The following ARHGAP23 variants were observed in gnomAD, a reference collection of about 807,000 sequenced individuals.
The protein encoded by ARHGAP23 is rho GTPase-activating protein 23.
In ARHGAP23, 34 loss-of-function variants were observed where a neutral mutation model predicts 136.3. That is an observed-to-expected ratio of 0.25 (90% confidence interval 0.19 to 0.33). The LOEUF is 0.33. Among genes scored for constraint, ARHGAP23 ranks in the 10% least tolerant of loss-of-function variants. ARHGAP23 has a pLI of 1.00. For synonymous variants in ARHGAP23, 832 were observed against 920.5 expected, an observed-to-expected ratio of 0.90 and a Z score of 1.74; for missense variants, 1,808 against 2,139.0, an observed-to-expected ratio of 0.85 and a Z score of 3.05.
chr17:38,486,470 A>G (rs569201670), intron 17 of ARHGAP23, among the ~76,000 whole-genome samples: 5 of 151,050 alleles, frequency 3.3e-5, no homozygotes, highest in Admixed American at 6.6e-5. Flanking sequence ...CCTGGGCTCA[A>G]TCAATCCTCC....
chr17:38,458,664 G>A (rs922841254), intron 2 of ARHGAP23, among the ~76,000 whole-genome samples: 1 of 152,188 alleles, frequency 6.6e-6, no homozygotes, highest in Admixed American at 6.5e-5. Flanking sequence ...TCTGAGCTGG[G>A]GTTGCTCCTC....
In ARHGAP23 at chr17:38,469,327, A is replaced by C. The variant is rs569144148; in HGVS notation, c.1804+28A>C. On this transcript the variant is annotated intron_variant, in intron 8 of 23. Transcript: ENST00000622683. Reference sequence around the variant, plus strand: ...GAGCACTCCCCACACCCCCAGCCCCACCCTCTCCCTCGCTGCCCAGTCCCA... The same window carrying C: ...GAGCACTCCCCACACCCCCAGCCCCCCCCTCTCCCTCGCTGCCCAGTCCCA... The C allele has an allele frequency of 1.4e-5, 22 of 1,533,952 alleles. No homozygotes were observed. In the South Asian group the frequency reaches 2.3e-4, roughly 16 times the overall value.
chr17:38,444,876 G>A (rs2038997521), intron 1 of ARHGAP23, among the ~76,000 whole-genome samples: 1 of 151,448 alleles, frequency 6.6e-6, no homozygotes, highest in African/African-American at 2.4e-5. Flanking sequence ...GGAGTGCAAT[G>A]GCGTGATCTC....
chr17:38,434,931 G>T (rs2038762169), intron 1 of ARHGAP23, among the ~76,000 whole-genome samples: 1 of 152,206 alleles, frequency 6.6e-6, no homozygotes, highest in Non-Finnish European at 1.5e-5. Context: ...GGCTGGAGGG[G>T]ACACCCCCAC....
chr17:38,488,473 C>T (rs1395897008), intron 17 of ARHGAP23, among the ~76,000 whole-genome samples: 1 of 152,172 alleles, frequency 6.6e-6, no homozygotes, highest in African/African-American at 2.4e-5. Flanking sequence ...TTAGTTTTTG[C>T]AAATATTTGC....
Position 38,479,784 on chromosome 17 carries a change from C to T in ARHGAP23, c.2530C>T (p.Pro844Ser). ...HSSGPKADSS[P>S]KGSRGLGGLK... ...CTCTGGGCCCAAAGCTGATTCCTCC[C>T]CCAAAGGCTCTCGCGGCCTGGGGGG... The change falls in exon 14 of 24, where the codon CCC becomes TCC. Residue 844 changes from proline (P) to serine (S), a missense_variant. Physicochemically the swap from Pro to Ser is moderately conservative, Grantham distance 74 (BLOSUM62 -1). This residue lies in a region of ARHGAP23 where 73 missense variants were observed against 82.5 expected (regional missense o/e 0.88). Coordinates refer to ENST00000622683, the MANE Select transcript of ARHGAP23 (RefSeq NM_001199417.2). 1 of 1,506,484 alleles carries T rather than the reference C, an allele frequency of 6.6e-7. No individual in the cohort carries two copies. Among genetic ancestry groups the T allele is most frequent in the South Asian group, 1.3e-5 (1 of 76,690 alleles). The allele number at this position is 1,506,484 out of a possible 1,614,324, so 93.3% of individuals were successfully genotyped here. A position where few individuals can be genotyped will look rare whatever the true frequency, so the allele number is the denominator to read the frequency against.
intron 1 of ARHGAP23, chr17:38,419,535 G>C (rs1392358177): frequency 1.3e-5 from 2 of 152,178 alleles, no homozygotes; most frequent in Non-Finnish European, 2.9e-5. Flanking sequence ...GCTCCGGGCG[G>C]AGCGGGGGCT....
Position 38,463,248 on chromosome 17 carries a change from G to T in ARHGAP23, c.428+52G>T, listed in dbSNP as rs575943556. The T allele has an allele frequency of 1.5e-4, 236 of 1,550,828 alleles. No homozygotes were observed. The South Asian group carries it at 2.7e-3, about 18-fold the overall frequency. On this transcript the variant is annotated intron_variant, in intron 5 of 23. Transcript: ENST00000622683. The stretch of plus-strand genomic sequence containing the variant: ...TATTATCTCCCCTCCCCTTTGCCCT[G>T]GGGATGCCCTGGAGACCAGGATCCC...
intron 22 of ARHGAP23, among the ~76,000 whole-genome samples, chr17:38,499,517 T>C (rs2040473426): frequency 6.6e-6 from 1 of 152,152 alleles, no homozygotes; most frequent in African/African-American, 2.4e-5. Context: ...CCCGCCATGG[T>C]TGTCCCTCCC....
At position 38,466,996 on chromosome 17, in the gene ARHGAP23, T is replaced by C. The variant is rs2039620978; in HGVS notation, c.1313T>C (p.Phe438Ser). The change falls in exon 7 of 24, where the codon TTC becomes TCC. Residue 438 changes from phenylalanine to serine, a missense_variant. Physicochemically the swap from Phe to Ser is radical, Grantham distance 155. This residue lies in a region of ARHGAP23 where 859 missense variants were observed against 936.4 expected (regional missense o/e 0.92). Transcript: ENST00000622683. ...ACCGGCCTCCTCCATGCGCTCTCCT[T>C]CCGGGACTCACCCTTTGGGGGGCTG... ...RRTGLLHALS[F>S]RDSPFGGLPT... The C allele has an allele frequency of 6.4e-7, 1 of 1,550,532 alleles. No homozygotes were observed. The highest frequency in any genetic ancestry group is 2.0e-5 in the Admixed American group (1 of 50,994).
In ARHGAP23 at chr17:38,444,333, C is replaced by T. The variant is rs11870032; in HGVS notation, c.64-13769C>T. On this transcript the variant is annotated intron_variant, in intron 1 of 23. Transcript: ENST00000622683. ...CCTGCCAGGCAGCCGAGATGTGCAC[C>T]CTTCATTGTGCGGGCTCATTTCCAG... 3.1e-3 allele frequency among the ~76,000 whole-genome samples: 470 copies of T among 152,154 alleles called. 1 individual carries two copies. Among genetic ancestry groups the T allele is most frequent in the African/African-American group, 0.01 (431 of 41,520 alleles).
At chr17:38,501,543 C>T (rs1025428700) in intron 23 of ARHGAP23, among the ~76,000 whole-genome samples, 6 of 144,574 alleles carry the variant, frequency 4.2e-5, no homozygotes, top group Middle Eastern at 3.5e-3. Flanking sequence ...CCGCGTGATC[C>T]GTCCCCCTTG....
intron 7 of ARHGAP23, among the ~76,000 whole-genome samples, chr17:38,468,265 AGGCTT>A (rs1282180669): frequency 6.6e-6 from 1 of 152,224 alleles, no homozygotes; most frequent in Admixed American, 6.5e-5. Flanking sequence ...GAACCCTCTA[AGGCTT>A]GCCTTGCCTT....
chr17:38,485,067 A>AGGGACAAC (rs1028671580), intron 16 of ARHGAP23, among the ~76,000 whole-genome samples: 39 of 152,274 alleles, frequency 2.6e-4, no homozygotes, highest in African/African-American at 8.9e-4. Flanking sequence ...GGAGGACAGA[A>AGGGACAAC]GGGACAACGA....
rs1039987569 is a variant in ARHGAP23, at chr17:38,466,667, G to T, written c.984G>T (p.Pro328=). Residue 328 remains proline, a synonymous_variant, in exon 7 of 24, where the codon CCG becomes CCT. Transcript: ENST00000622683. ...DRLEEVAAPR[P]WPCSTSQDAL... ...TGGAGGAGGTGGCTGCCCCCCGCCC[G>T]TGGCCCTGCTCCACCTCCCAGGATG... The T allele has an allele frequency of 6.6e-7, 1 of 1,513,320 alleles. No individual in the cohort carries two copies. The highest frequency in any genetic ancestry group is 1.3e-5 in the South Asian group (1 of 78,410). The allele number at this position is 1,513,320 out of a possible 1,614,324, so 93.7% of individuals were successfully genotyped here. A position where few individuals can be genotyped will look rare whatever the true frequency, so the allele number is the denominator to read the frequency against.
chr17:38,466,548 T>C lies in ARHGAP23; in HGVS notation c.865T>C (p.Ser289Pro). The C allele has an allele frequency of 6.8e-7, 1 of 1,477,966 alleles. No homozygotes were observed. The highest frequency in any genetic ancestry group is 8.9e-7 in the Non-Finnish European group (1 of 1,121,036). 91.6% of individuals were successfully genotyped at this position (1,477,966 alleles called of 1,614,324 possible). ...CAGACTGGAGTGCCAGCAGGCCTTGTCACACTGGCTGTCAAACCAGGTACC... is the reference window on the plus strand; with the variant it reads ...CAGACTGGAGTGCCAGCAGGCCTTGCCACACTGGCTGTCAAACCAGGTACC... ...PSRLECQQAL[S>P]HWLSNQVPRR... The change falls in exon 7 of 24, where the codon TCA becomes CCA. Residue 289 changes from serine (S) to proline (P), a missense_variant. This residue lies in a region of ARHGAP23 where 859 missense variants were observed against 936.4 expected (regional missense o/e 0.92). Transcript: ENST00000622683.
At chr17:38,420,516 C>G (rs913130446) in intron 1 of ARHGAP23, among the ~76,000 whole-genome samples, 2 of 152,332 alleles carry the variant, frequency 1.3e-5, no homozygotes, top group Admixed American at 6.5e-5. Flanking sequence ...CCCTATCACT[C>G]TGGCAGAGGG....
At chr17:38,481,220 C>T (rs1006986303) in intron 14 of ARHGAP23, among the ~76,000 whole-genome samples, 1 of 151,610 alleles carries the variant, frequency 6.6e-6, no homozygotes, top group Non-Finnish European at 1.5e-5. Context: ...GATGTCGGCT[C>T]ACTGCAAGCT....
At chr17:38,487,449 C>T (rs1386900120) in intron 17 of ARHGAP23, among the ~76,000 whole-genome samples, 5 of 152,280 alleles carry the variant, frequency 3.3e-5, no homozygotes, top group South Asian at 2.1e-4. Context: ...GTCAAAGTCC[C>T]GGTGAACCTT....
Sources: allele counts gnomAD v4.1 joint callset (sites outside exome capture counted in the v4.1 genomes callset), GRCh38; gene constraint gnomAD v4.1.1; regional missense constraint gnomAD v4.1.1; transcripts MANE v1.5; gene names NCBI Gene and HGNC (gene_info 2026-07-23, HGNC 2026-07-21).